Variants in GPHN observed in about 807,000 individuals in gnomAD.
GPHN encodes gephyrin.
GPHN carries 17 observed loss-of-function variants against 95.5 expected under a neutral mutation model. The observed-to-expected ratio is 0.18, with a 90% CI of 0.12 to 0.27. GPHN has a LOEUF of 0.27. Among genes scored for constraint, GPHN ranks in the 10% least tolerant of loss-of-function variants. The pLI is 1.00. For synonymous variants in GPHN, 320 were observed against 322.5 expected, an observed-to-expected ratio of 0.99 and a Z score of 0.08; for missense variants, 660 against 978.1, an observed-to-expected ratio of 0.67 and a Z score of 4.34.
intron 15 of GPHN, among the ~76,000 whole-genome samples, chr14:67,112,587 T>A (rs2078440897): frequency 6.6e-6 from 1 of 152,180 alleles, no homozygotes; most frequent in African/African-American, 2.4e-5. Context: ...TCATTAGCAT[T>A]ATTCTCCTTG....
the GPHN span, chr14:67,301,830 A>AAC: frequency 1.0e-6 from 1 of 981,668 alleles, no homozygotes; most frequent in Non-Finnish European, 1.4e-6. Context: ...TAGTATACTT[A>AAC]ACACATCTTT....
chr14:67,727,376 G>C, the GPHN span: 55,888 of 615,380 alleles, frequency 0.091, 2,740 homozygotes, highest in Middle Eastern at 0.18. Context: ...ATCAAATAGG[G>C]GTTAAGAACC....
chr14:67,729,537 A>G, the GPHN span: 1 of 726,392 alleles, frequency 1.4e-6, no homozygotes, highest in Non-Finnish European at 2.4e-6. Context: ...TGTTAAGGAA[A>G]CTTACAGTAC....
At chr14:67,057,418 G>GTT (rs1243251368) in intron 10 of GPHN, among the ~76,000 whole-genome samples, 2 of 150,004 alleles carry the variant, frequency 1.3e-5, no homozygotes, top group African/African-American at 4.9e-5. Flanking sequence ...GGGTGGGGGG[G>GTT]GCAACAGCAC....
chr14:67,434,788 A>G, the GPHN span, among the ~76,000 whole-genome samples: 26 of 152,122 alleles, frequency 1.7e-4, no homozygotes, highest in Non-Finnish European at 2.6e-4. Context: ...TTTATAAAGA[A>G]AAGGGATTTA....
At chr14:67,083,237 C>CCCT (rs201163126) in intron 11 of GPHN, among the ~76,000 whole-genome samples, 1,808 of 152,102 alleles carry the variant, frequency 0.012, 19 homozygotes, top group Non-Finnish European at 0.018. Flanking sequence ...ATGCCCCCCC[C>CCCT]CCTCCAAATC....
chr14:66,990,824 ATTTAATTTGCTAATAG>A lies in GPHN; in HGVS notation c.963+25515_963+25530del, dbSNP rs148487505. On this transcript the variant is annotated intron_variant, in intron 9 of 22. Transcript: ENST00000478722. ...TATCATTCAGAAGTGCAGGATGAAG[ATTTAATTTGCTAATAG>A]TTTAATTTGCTAATAAATAAAAATT... Among the ~76,000 whole-genome samples, 1,431 of 151,998 alleles carry A rather than the reference ATTTAATTTGCTAATAG, an allele frequency of 9.4e-3. 31 individuals are homozygous for A. The highest frequency in any genetic ancestry group is 0.032 in the African/African-American group (1,349 of 41,562).
At chr14:67,423,171 T>C in the GPHN span, among the ~76,000 whole-genome samples, 1 of 152,052 alleles carries the variant, frequency 6.6e-6, no homozygotes, top group African/African-American at 2.4e-5. Flanking sequence ...ATCAGTGTCT[T>C]CTGCTACAGC....
chr14:66,881,511 C>G (rs1411102785), intron 5 of GPHN, among the ~76,000 whole-genome samples: 1 of 151,726 alleles, frequency 6.6e-6, no homozygotes, highest in Non-Finnish European at 1.5e-5. Flanking sequence ...TAATAATATG[C>G]TTATTTGCCA....
chr14:66,939,158 A>G (rs1430368554), intron 8 of GPHN, among the ~76,000 whole-genome samples: 1 of 152,350 alleles, frequency 6.6e-6, no homozygotes, highest in East Asian at 1.9e-4. Context: ...GGCACTGGCA[A>G]CAACAGCAAA....
chr14:66,969,260 A>G (rs989614590), intron 9 of GPHN: 9 of 152,316 alleles, frequency 5.9e-5, no homozygotes, highest in South Asian at 2.1e-4. Flanking sequence ...TTCAAGAACA[A>G]AGTTGGGATA....
chr14:67,407,171 G>C, the GPHN span, among the ~76,000 whole-genome samples: 1 of 152,044 alleles, frequency 6.6e-6, no homozygotes, highest in Non-Finnish European at 1.5e-5. Flanking sequence ...GCCCGGGCTA[G>C]AGTGCTGTGG....
Position 66,970,601 on chromosome 14 carries a change from C to G in GPHN, c.963+5276C>G, listed in dbSNP as rs948625150. Among the ~76,000 whole-genome samples the G allele has an allele frequency of 2.6e-5, 4 of 152,198 alleles. No individual in the cohort carries two copies. The East Asian group carries it at 7.7e-4, about 29-fold the overall frequency. ...GCTCATAAAATGGCCATACTTCCAG[C>G]CTAAATCAAGTCACTAACTGGTGAC... On this transcript the variant is annotated intron_variant, in intron 9 of 22. Transcript: ENST00000478722.
chr14:67,558,315 C>T, the GPHN span, among the ~76,000 whole-genome samples: 4 of 152,112 alleles, frequency 2.6e-5, no homozygotes, highest in African/African-American at 7.2e-5. Flanking sequence ...TAGGAGAAGC[C>T]GATCCTGGTG....
At chr14:67,191,174 C>T in the GPHN span, among the ~76,000 whole-genome samples, 3 of 152,154 alleles carry the variant, frequency 2.0e-5, no homozygotes, top group East Asian at 1.9e-4. Context: ...GTAGAGGTTG[C>T]AGTGAGCCAA....
intron 3 of GPHN, among the ~76,000 whole-genome samples, chr14:66,794,219 C>G (rs938334913): frequency 6.6e-6 from 1 of 152,068 alleles, no homozygotes; most frequent in African/African-American, 2.4e-5. Flanking sequence ...GGTTTAGTAC[C>G]ATCCCCTTGG....
At chr14:67,395,766 C>T in the GPHN span, among the ~76,000 whole-genome samples, 9 of 152,290 alleles carry the variant, frequency 5.9e-5, no homozygotes, top group African/African-American at 2.2e-4. Flanking sequence ...AGGAAGCTTG[C>T]GGCCTCACAC....
At chr14:67,030,722 T>C (rs1210730800) in intron 10 of GPHN, among the ~76,000 whole-genome samples, 1 of 152,154 alleles carries the variant, frequency 6.6e-6, no homozygotes, top group African/African-American at 2.4e-5. Context: ...AGTGTAGTGC[T>C]TTTCTGTCTT....
the GPHN span, among the ~76,000 whole-genome samples, chr14:67,484,631 A>C: frequency 3.3e-5 from 5 of 152,130 alleles, no homozygotes; most frequent in African/African-American, 1.2e-4. Flanking sequence ...ATCATAGAAG[A>C]AGCATTCATA....
Sources: gnomAD v4.1 joint callset for allele counts (sites outside exome capture counted in the v4.1 genomes callset) on GRCh38, gnomAD v4.1.1 for gene constraint, MANE v1.5 for transcripts, NCBI Gene and HGNC (gene_info 2026-07-23, HGNC 2026-07-21) for gene names.